The following DPP10 variants were observed in gnomAD, a reference collection of about 807,000 sequenced individuals.
DPP10 encodes the protein dipeptidyl peptidase like 10.
In DPP10, 33 loss-of-function variants were observed where a neutral mutation model predicts 120.9. That is an observed-to-expected ratio of 0.27 (90% confidence interval 0.21 to 0.37). The LOEUF (loss-of-function observed/expected upper bound fraction) is 0.37. Ranked by LOEUF, DPP10 falls within the 10% of genes least tolerant of loss-of-function variation. The probability of loss-of-function intolerance (pLI) is 1.00; values close to 1 mark genes in which losing one functional copy is unlikely to be tolerated. For missense variants in DPP10, 816 were observed against 942.8 expected (o/e 0.87, Z 1.76); for synonymous variants, 337 against 326.1 (o/e 1.03, Z -0.36).
chr2:115,012,379 C>G (rs1027258456), intron 1 of DPP10, among the ~76,000 whole-genome samples: 1 of 152,148 alleles, frequency 6.6e-6, no homozygotes, highest in African/African-American at 2.4e-5. Flanking sequence ...CCGACCAACA[C>G]AAAACCAGCA....
intron 3 of DPP10, among the ~76,000 whole-genome samples, chr2:115,364,870 A>G (rs189814047): frequency 6.6e-6 from 1 of 152,214 alleles, no homozygotes; most frequent in African/African-American, 2.4e-5. Flanking sequence ...GTATACTAAA[A>G]AGTTTTCTTG....
In DPP10 at chr2:115,640,636, G is replaced by A. The variant is rs558617983; in HGVS notation, c.442-49051G>A. ...AATAGATAAGTGTGAGTGAGAAAGT[G>A]TGGAATCAGATCGCAGCTGTAAAGA... On this transcript the variant is annotated intron_variant, in intron 5 of 25. Transcript: ENST00000410059. 9.9e-5 allele frequency among the ~76,000 whole-genome samples: 15 copies of A among 152,280 alleles called. No individual in the cohort carries two copies. The South Asian group carries it at 2.9e-3, about 29-fold the overall frequency.
chr2:114,604,864 G>C (rs1692660833), intron 1 of DPP10, among the ~76,000 whole-genome samples: 1 of 152,028 alleles, frequency 6.6e-6, no homozygotes, highest in African/African-American at 2.4e-5. Flanking sequence ...TCAGTAAGCA[G>C]TTCTGTGAGG....
chr2:115,667,075 A>G (rs957169282), intron 5 of DPP10, among the ~76,000 whole-genome samples: 1 of 151,994 alleles, frequency 6.6e-6, no homozygotes, highest in African/African-American at 2.4e-5. Context: ...TTACCATCTC[A>G]TTGTTATATT....
chr2:115,024,291 T>G (rs922357708), intron 1 of DPP10, among the ~76,000 whole-genome samples: 1 of 152,166 alleles, frequency 6.6e-6, no homozygotes, highest in African/African-American at 2.4e-5. Flanking sequence ...GTTGAAATTT[T>G]TAGGCCATTT....
chr2:114,611,858 T>C (rs1693310629), intron 1 of DPP10, among the ~76,000 whole-genome samples: 1 of 152,192 alleles, frequency 6.6e-6, no homozygotes, highest in African/African-American at 2.4e-5. Flanking sequence ...AAATACTGAT[T>C]CTACCACTAG....
At chr2:114,491,602 T>A (rs1004472157) in intron 1 of DPP10, among the ~76,000 whole-genome samples, 2 of 152,182 alleles carry the variant, frequency 1.3e-5, no homozygotes, top group Non-Finnish European at 1.5e-5. Context: ...AGTGGTTCAT[T>A]TCCACTGGAA....
At chr2:114,677,118 C>T (rs1006388887) in intron 1 of DPP10, among the ~76,000 whole-genome samples, 1 of 152,124 alleles carries the variant, frequency 6.6e-6, no homozygotes, top group African/African-American at 2.4e-5. Context: ...AGCTTCCTAC[C>T]GCCTCCTTCA....
At chr2:114,864,524 G>C (rs546715165) in intron 1 of DPP10, among the ~76,000 whole-genome samples, 6 of 152,174 alleles carry the variant, frequency 3.9e-5, no homozygotes, top group Non-Finnish European at 7.4e-5. Flanking sequence ...ACATCACCAT[G>C]AAACATTCCA....
At chr2:114,659,778 C>T (rs527556540) in intron 1 of DPP10, among the ~76,000 whole-genome samples, 108 of 152,122 alleles carry the variant, frequency 7.1e-4, no homozygotes, top group Non-Finnish European at 1.4e-3. Context: ...GCCCTAAATC[C>T]AATGTCTAGT....
intron 7 of DPP10, among the ~76,000 whole-genome samples, chr2:115,722,577 A>G (rs1402263848): frequency 2.0e-5 from 3 of 152,034 alleles, no homozygotes; most frequent in Non-Finnish European, 4.4e-5. Flanking sequence ...ACAAACCTCT[A>G]AAGCATGTTA....
chr2:114,774,763 A>C (rs1681579672), intron 1 of DPP10, among the ~76,000 whole-genome samples: 1 of 151,548 alleles, frequency 6.6e-6, no homozygotes, highest in Non-Finnish European at 1.5e-5. Context: ...TAGTTGGCTA[A>C]AGCTTCACAA....
At chr2:115,351,476 C>T (rs2064030976) in intron 3 of DPP10, among the ~76,000 whole-genome samples, 1 of 151,962 alleles carries the variant, frequency 6.6e-6, no homozygotes, top group African/African-American at 2.4e-5. Flanking sequence ...CAGTATCATA[C>T]ACTATACCTT....
intron 1 of DPP10, among the ~76,000 whole-genome samples, chr2:114,814,448 A>G (rs971835524): frequency 4.0e-5 from 6 of 151,842 alleles, no homozygotes; most frequent in Non-Finnish European, 7.4e-5. Flanking sequence ...GTAATTTAAG[A>G]TATTCTAATA....
intron 1 of DPP10, among the ~76,000 whole-genome samples, chr2:114,592,808 A>T (rs1471279759): frequency 6.6e-6 from 1 of 152,198 alleles, no homozygotes; most frequent in Non-Finnish European, 1.5e-5. Context: ...ATATACTCTC[A>T]TCTACTACTT....
At chr2:115,185,866 G>A (rs1384342014) in intron 1 of DPP10, among the ~76,000 whole-genome samples, 1 of 152,178 alleles carries the variant, frequency 6.6e-6, no homozygotes, top group East Asian at 1.9e-4. Flanking sequence ...AGTAAAGGTT[G>A]TAATGCAAGT....
chr2:114,700,548 A>G (rs754922208), intron 1 of DPP10, among the ~76,000 whole-genome samples: 5 of 152,014 alleles, frequency 3.3e-5, no homozygotes, highest in Non-Finnish European at 7.4e-5. Flanking sequence ...TGTTTCCCCA[A>G]TTTACATCCA....
chr2:114,565,500 C>A (rs773686509), intron 1 of DPP10, among the ~76,000 whole-genome samples: 1 of 152,212 alleles, frequency 6.6e-6, no homozygotes. Flanking sequence ...AAGCTTAGCA[C>A]CAACGGCCAT....
At chr2:114,988,099 C>T (rs1437488096) in intron 1 of DPP10, among the ~76,000 whole-genome samples, 1 of 152,136 alleles carries the variant, frequency 6.6e-6, no homozygotes, top group Non-Finnish European at 1.5e-5. Context: ...CCACCGCGCC[C>T]GGCCGCCGGA....
Sources: allele counts gnomAD v4.1 joint callset (sites outside exome capture counted in the v4.1 genomes callset), GRCh38; gene constraint gnomAD v4.1.1; transcripts MANE v1.5; gene names NCBI Gene and HGNC (gene_info 2026-07-23, HGNC 2026-07-21).